LMX1A: variants seen among roughly 807,000 people sequenced by gnomAD.
LMX1A encodes the protein LIM homeobox transcription factor 1 alpha.
In LMX1A, 15 loss-of-function variants were observed where a neutral mutation model predicts 49.1. The observed-to-expected ratio is 0.31, with a 90% CI of 0.20 to 0.47. LMX1A has a LOEUF of 0.47. Among genes scored for constraint, LMX1A ranks in the 20% least tolerant of loss-of-function variants. The pLI, the probability that LMX1A is intolerant of heterozygous loss-of-function variation, is 1.00. For missense variants in LMX1A, 372 were observed against 475.8 expected, an observed-to-expected ratio of 0.78 and a Z score of 2.03; for synonymous variants, 167 against 185.7, an observed-to-expected ratio of 0.90 and a Z score of 0.82.
intron 6 of LMX1A, among the ~76,000 whole-genome samples, chr1:165,208,841 G>T (rs1398540599): frequency 6.6e-6 from 1 of 152,078 alleles, no homozygotes; most frequent in African/African-American, 2.4e-5. Flanking sequence ...TAGAGACGGG[G>T]TTTCACCATG....
chr1:165,215,678 C>A (rs543994663), intron 4 of LMX1A, among the ~76,000 whole-genome samples: 1 of 152,142 alleles, frequency 6.6e-6, no homozygotes, highest in Non-Finnish European at 1.5e-5. Flanking sequence ...CTTCCTTCCA[C>A]GAACATTTGA....
intron 3 of LMX1A, among the ~76,000 whole-genome samples, chr1:165,255,463 A>G (rs1653203792): frequency 6.6e-6 from 1 of 152,240 alleles, no homozygotes; most frequent in Admixed American, 6.5e-5. Flanking sequence ...ACATCCAGGC[A>G]GCATGACTGG....
intron 3 of LMX1A, among the ~76,000 whole-genome samples, chr1:165,293,378 G>C (rs1187436237): frequency 6.6e-6 from 1 of 152,156 alleles, no homozygotes; most frequent in Admixed American, 6.5e-5. Context: ...GAACCAGGTA[G>C]TAGCAACACC....
intron 2 of LMX1A, among the ~76,000 whole-genome samples, chr1:165,353,556 A>G (rs981599765): frequency 5.3e-5 from 8 of 152,222 alleles, no homozygotes; most frequent in Non-Finnish European, 1.2e-4. Flanking sequence ...ACGTCTGCAC[A>G]TCCTGTAAGA....
At chr1:165,240,120 AGTCT>A (rs1390748201) in intron 4 of LMX1A, among the ~76,000 whole-genome samples, 1 of 152,238 alleles carries the variant, frequency 6.6e-6, no homozygotes, top group Non-Finnish European at 1.5e-5. Flanking sequence ...TCAGCAAGTC[AGTCT>A]AAGTGTTGAA....
In LMX1A at chr1:165,206,036, T is replaced by C; in HGVS notation, c.818-2A>G. 2 of 1,538,930 alleles carry C rather than the reference T, an allele frequency of 1.3e-6. No homozygotes were observed. The highest frequency in any genetic ancestry group is 1.7e-6 in the Non-Finnish European group (2 of 1,144,304). On this transcript the variant is annotated splice_acceptor_variant, in intron 7 of 8. Coordinates refer to ENST00000342310, the MANE Select transcript of LMX1A (RefSeq NM_177398.4). LOFTEE classifies it high-confidence loss of function. ...CACTCCCACCACCGTTTGTCTGAGC[T>C]GTGGAACAAAGAAGAAGCCAGGTCA... is the stretch of plus-strand genomic sequence containing the variant.
chr1:165,255,376 T>G (rs1653200883), intron 3 of LMX1A, among the ~76,000 whole-genome samples: 1 of 152,200 alleles, frequency 6.6e-6, no homozygotes, highest in African/African-American at 2.4e-5. Context: ...TGCTTACATC[T>G]CTTCTTGCAC....
At chr1:165,232,314 A>C (rs1652267763) in intron 4 of LMX1A, among the ~76,000 whole-genome samples, 1 of 152,242 alleles carries the variant, frequency 6.6e-6, no homozygotes, top group Admixed American at 6.5e-5. Context: ...AAGAGAGGGA[A>C]GCATTTTCCA....
intron 3 of LMX1A, among the ~76,000 whole-genome samples, chr1:165,336,704 A>G (rs987391504): frequency 6.6e-6 from 1 of 152,192 alleles, no homozygotes; most frequent in African/African-American, 2.4e-5. Flanking sequence ...ATATCTTGGA[A>G]TCACCCTTCT....
chr1:165,277,796 G>A (rs898720462), intron 3 of LMX1A, among the ~76,000 whole-genome samples: 1 of 152,106 alleles, frequency 6.6e-6, no homozygotes, highest in Non-Finnish European at 1.5e-5. Flanking sequence ...GATGTCATTT[G>A]GGGCAAAAAG....
chr1:165,283,894 T>C (rs921256764), intron 3 of LMX1A, among the ~76,000 whole-genome samples: 2 of 152,236 alleles, frequency 1.3e-5, no homozygotes, highest in Non-Finnish European at 1.5e-5. Context: ...AGCCTATGCT[T>C]ACTTTATCTC....
chr1:165,346,196 A>G (rs976968879), intron 3 of LMX1A, among the ~76,000 whole-genome samples: 2 of 152,208 alleles, frequency 1.3e-5, no homozygotes, highest in African/African-American at 2.4e-5. Context: ...AGATCTATCT[A>G]TCACTCTATT....
At chr1:165,207,922 G>T in intron 7 of LMX1A, 141 bp downstream of exon 7, 1 of 659,082 alleles carries the variant, frequency 1.5e-6, no homozygotes, top group Non-Finnish European at 2.6e-6. Context: ...GTCTTCCCTT[G>T]AAGGCCTTAT....
intron 4 of LMX1A, among the ~76,000 whole-genome samples, chr1:165,237,550 A>G (rs1652495819): frequency 6.6e-6 from 1 of 152,154 alleles, no homozygotes; most frequent in Non-Finnish European, 1.5e-5. Context: ...ACAATATGCA[A>G]ATCCCTGATC....
At chr1:165,319,448 T>C (rs1655317933) in intron 3 of LMX1A, among the ~76,000 whole-genome samples, 1 of 152,138 alleles carries the variant, frequency 6.6e-6, no homozygotes. Context: ...AATGTTAATA[T>C]GCTTTATGCT....
chr1:165,355,434 G>A lies in LMX1A; in HGVS notation c.76+50C>T, dbSNP rs770700979. 1.3e-6 allele frequency: 2 copies of A among 1,586,220 alleles called. No homozygotes were observed. Among genetic ancestry groups the A allele is most frequent in the Non-Finnish European group, 1.7e-6 (2 of 1,157,256 alleles). On this transcript the variant is annotated intron_variant, in intron 2 of 8. Transcript: ENST00000342310. The surrounding 1 kb of genome is among the most constrained non-coding windows in gnomAD (Gnocchi z 4.7). ...CCAGAGAGCGGGGCTCCAGAGCTCA[G>A]CGCCAAGCGGAAAGAGAGTGCGCCC...
intron 3 of LMX1A, among the ~76,000 whole-genome samples, chr1:165,250,342 G>A (rs1304809834): frequency 2.6e-5 from 4 of 152,182 alleles, no homozygotes; most frequent in Non-Finnish European, 5.9e-5. Flanking sequence ...ACAGACTGGC[G>A]CCAGGCAGGC....
intron 3 of LMX1A, among the ~76,000 whole-genome samples, chr1:165,301,367 C>T (rs1312299624): frequency 2.0e-5 from 1 of 50,276 alleles, no homozygotes; most frequent in African/African-American, 6.9e-5. Flanking sequence ...GATTACACTC[C>T]CGACAACACA....
At chr1:165,315,078 A>G (rs879692706) in intron 3 of LMX1A, among the ~76,000 whole-genome samples, 2 of 152,178 alleles carry the variant, frequency 1.3e-5, no homozygotes, top group Admixed American at 6.5e-5. Flanking sequence ...GTCTCTCTTG[A>G]CATGTTCAGC....
Sources: gnomAD v4.1 joint callset for allele counts (sites outside exome capture counted in the v4.1 genomes callset) on GRCh38, gnomAD v4.1.1 for gene constraint, Gnocchi (gnomAD v3.1) non-coding constraint, MANE v1.5 for transcripts, NCBI Gene and HGNC (gene_info 2026-07-23, HGNC 2026-07-21) for gene names.